Variants in GNG7 observed in about 807,000 individuals in gnomAD.
The protein encoded by GNG7 is guanine nucleotide-binding protein G(I)/G(S)/G(O) subunit gamma-7.
Under a neutral mutation model 4.0 loss-of-function variants are expected in GNG7, and 1 was observed. The observed-to-expected ratio is 0.25, with a 90% confidence interval of 0.09 to 1.18. The LOEUF (loss-of-function observed/expected upper bound fraction) is 1.18, where lower values mean the gene tolerates loss of function less well. Among genes scored for constraint, GNG7 ranks in the 50% most tolerant of loss-of-function variants. GNG7 has a pLI of 0.50. For missense variants in GNG7, 86 were observed against 91.9 expected (o/e 0.94, Z 0.26); for synonymous variants, 34 against 36.9 (o/e 0.92, Z 0.29).
intron 4 of GNG7, chr19:2,516,792 C>T (rs1292151981): frequency 6.6e-6 from 1 of 152,382 alleles, no homozygotes; most frequent in African/African-American, 2.4e-5. Flanking sequence ...GCCTGAACCC[C>T]CTGATGACTC....
At chr19:2,532,196 A>AC (rs1294305842) in intron 3 of GNG7, among the ~76,000 whole-genome samples, 1 of 151,994 alleles carries the variant, frequency 6.6e-6, no homozygotes, top group African/African-American at 2.4e-5. Flanking sequence ...CTACAAAGAG[A>AC]CCCACAGGGT....
Position 2,521,244 on chromosome 19 carries a change from C to T in GNG7, c.-37-519G>A, listed in dbSNP as rs1392486441. ...TGGTGCCCCTGCACTCCAGCCTGGA[C>T]GACAGAGCAAGACTCCGTCTCAAAA... On this transcript the variant is annotated intron_variant, in intron 3 of 4. Coordinates refer to ENST00000382159, the MANE Select transcript of GNG7 (RefSeq NM_052847.3). Among the ~76,000 whole-genome samples the T allele has an allele frequency of 4.6e-5, 7 of 150,736 alleles. No homozygotes were observed. In the South Asian group the frequency reaches 8.4e-4, roughly 18 times the overall value.
intron 1 of GNG7, among the ~76,000 whole-genome samples, chr19:2,679,102 C>A (rs1983667100): frequency 6.6e-6 from 1 of 152,166 alleles, no homozygotes; most frequent in Non-Finnish European, 1.5e-5. Context: ...GGCTGGAATG[C>A]AGTGGTGCAA....
At chr19:2,589,685 AG>A (rs1455205533) in intron 2 of GNG7, among the ~76,000 whole-genome samples, 1 of 152,198 alleles carries the variant, frequency 6.6e-6, no homozygotes, top group African/African-American at 2.4e-5. Flanking sequence ...CCCTGCGCGT[AG>A]GGGGTTGTAC....
intron 2 of GNG7, among the ~76,000 whole-genome samples, chr19:2,598,664 AT>A (rs1981104654): frequency 1.4e-5 from 2 of 138,460 alleles, no homozygotes; most frequent in African/African-American, 2.8e-5. Context: ...CTCAAAAAAA[AT>A]GAAAAGTAAT....
At chr19:2,688,285 T>C (rs1334826375) in intron 1 of GNG7, among the ~76,000 whole-genome samples, 1 of 152,056 alleles carries the variant, frequency 6.6e-6, no homozygotes, top group African/African-American at 2.4e-5. Flanking sequence ...GATGCAAAGA[T>C]GAAAAGCAAA....
chr19:2,688,314 G>A (rs1913049801), intron 1 of GNG7, among the ~76,000 whole-genome samples: 1 of 152,170 alleles, frequency 6.6e-6, no homozygotes, highest in South Asian at 2.1e-4. Flanking sequence ...TACGAAGGAT[G>A]GAGTCGGTGT....
At chr19:2,610,191 C>T (rs1981517167) in intron 2 of GNG7, 2 of 151,624 alleles carry the variant, frequency 1.3e-5, no homozygotes, top group Admixed American at 1.3e-4. Flanking sequence ...GACAGGGTCT[C>T]ACCCTGTCGC....
At chr19:2,629,212 A>C (rs1245185644) in intron 2 of GNG7, among the ~76,000 whole-genome samples, 5 of 152,194 alleles carry the variant, frequency 3.3e-5, no homozygotes, top group African/African-American at 1.2e-4. Flanking sequence ...GTCTCTCTGA[A>C]GGTTGAGCAA....
intron 1 of GNG7, among the ~76,000 whole-genome samples, chr19:2,699,380 C>T (rs551427537): frequency 2.0e-5 from 3 of 152,200 alleles, no homozygotes; most frequent in African/African-American, 7.2e-5. Context: ...AATTCCTGAC[C>T]TCAAGTGATC....
chr19:2,648,690 C>T (rs1982731148), intron 1 of GNG7, among the ~76,000 whole-genome samples: 1 of 152,138 alleles, frequency 6.6e-6, no homozygotes, highest in Non-Finnish European at 1.5e-5. Flanking sequence ...CTGGCAGCAG[C>T]TGGAATCTTG....
At chr19:2,554,561 T>TATATA (rs1568241676) in intron 3 of GNG7, among the ~76,000 whole-genome samples, 8 of 42,418 alleles carry the variant, frequency 1.9e-4, no homozygotes, top group African/African-American at 5.4e-4. Context: ...ATATATATAT[T>TATATA]TTTTTTTTTT....
At chr19:2,556,295 C>T (rs964140460) in intron 2 of GNG7, among the ~76,000 whole-genome samples, 7 of 152,200 alleles carry the variant, frequency 4.6e-5, no homozygotes, top group Non-Finnish European at 1.5e-5. Flanking sequence ...GGGGCTCACC[C>T]TGCAGTGGGC....
intron 2 of GNG7, among the ~76,000 whole-genome samples, chr19:2,579,149 G>A (rs754543066): frequency 3.9e-5 from 6 of 152,262 alleles, no homozygotes; most frequent in Admixed American, 1.3e-4. Flanking sequence ...CTCAGCATCT[G>A]CGGGATGGGT....
At chr19:2,604,724 G>A (rs1310068518) in intron 2 of GNG7, among the ~76,000 whole-genome samples, 1 of 151,468 alleles carries the variant, frequency 6.6e-6, no homozygotes, top group African/African-American at 2.4e-5. Flanking sequence ...AAAGTTTTCT[G>A]CCCTATTATG....
intron 3 of GNG7, among the ~76,000 whole-genome samples, chr19:2,529,986 A>T (rs916312965): frequency 6.6e-6 from 1 of 152,208 alleles, no homozygotes; most frequent in Non-Finnish European, 1.5e-5. Flanking sequence ...GATCAAGAGG[A>T]TCTAGAATAT....
rs1271887811 is a variant in GNG7 at position 2,568,413 on chromosome 19, CATAG to C, written c.-77-13229_-77-13226del. On this transcript the variant is annotated intron_variant, in intron 2 of 4. Coordinates refer to ENST00000382159, the MANE Select transcript of GNG7 (RefSeq NM_052847.3). ...CAACACAAACACACACACATATACA[CATAG>C]ACATACACACATACATATACATACA... 6.0e-5 allele frequency among the ~76,000 whole-genome samples: 9 copies of C among 150,966 alleles called. No individual in the cohort carries two copies. The South Asian group carries it at 8.3e-4, about 14-fold the overall frequency.
chr19:2,652,352 G>T lies in GNG7; in HGVS notation c.-134-6072C>A, dbSNP rs534003436. On this transcript the variant is annotated intron_variant, in intron 1 of 4. Coordinates refer to ENST00000382159, the MANE Select transcript of GNG7 (RefSeq NM_052847.3). ...ACCCCAAATACAGCCAGGCACGGTG[G>T]CTCATGCCTGTAATCCCAGCGCTTT... is the stretch of plus-strand genomic sequence containing the variant. 3.3e-5 allele frequency among the ~76,000 whole-genome samples: 5 copies of T among 152,210 alleles called. No individual in the cohort carries two copies. The East Asian group carries it at 9.7e-4, about 30-fold the overall frequency.
In GNG7 at chr19:2,676,708, G is replaced by A. The variant is rs572928821; in HGVS notation, c.-135+25938C>T. Among the ~76,000 whole-genome samples, 8 of 152,258 alleles carry A rather than the reference G, an allele frequency of 5.3e-5. 2 individuals carry two copies. In the East Asian group the frequency reaches 1.2e-3, roughly 22 times the overall value. On this transcript the variant is annotated intron_variant, in intron 1 of 4. Coordinates refer to ENST00000382159, the MANE Select transcript of GNG7 (RefSeq NM_052847.3). The stretch of plus-strand genomic sequence containing the variant: ...TGGGATTACAGGTGTGAGGCATCGC[G>A]CCCAGCCTCTTTGGTGGTTTTCAGG...
Sources: allele counts gnomAD v4.1 joint callset (sites outside exome capture counted in the v4.1 genomes callset), GRCh38; gene constraint gnomAD v4.1.1; transcripts MANE v1.5; gene names NCBI Gene and HGNC (gene_info 2026-07-23, HGNC 2026-07-21).